Variants in COX5A observed in about 807,000 individuals in gnomAD.
The protein encoded by COX5A is cytochrome c oxidase subunit 5A, also known as cytochrome c oxidase subunit 5A, mitochondrial.
Under a neutral mutation model 16.1 loss-of-function variants are expected in COX5A, and 6 were observed. That is an observed-to-expected ratio of 0.37 (90% CI 0.20 to 0.73). COX5A has a LOEUF of 0.73. COX5A is among the 30% of genes least tolerant of loss of function. The pLI, the probability that COX5A is intolerant of heterozygous loss-of-function variation, is 0.50. For synonymous variants in COX5A, 73 were observed against 73.8 expected (o/e 0.99, Z 0.06); for missense variants, 159 against 194.9 (o/e 0.82, Z 1.10).
intron 1 of COX5A, among the ~76,000 whole-genome samples, chr15:74,937,099 T>C (rs2141275833): frequency 6.6e-6 from 1 of 152,226 alleles, no homozygotes; most frequent in South Asian, 2.1e-4. Context: ...TTACTGTAAT[T>C]ATTCTATGGT....
intron 1 of COX5A, among the ~76,000 whole-genome samples, chr15:74,932,525 T>G (rs951306405): frequency 6.6e-6 from 1 of 151,892 alleles, no homozygotes; most frequent in African/African-American, 2.4e-5. Context: ...ACACTGAAAT[T>G]TAAACATTAG....
chr15:74,926,564 G>T (rs1327730390), intron 3 of COX5A, among the ~76,000 whole-genome samples: 2 of 152,072 alleles, frequency 1.3e-5, no homozygotes, highest in East Asian at 3.8e-4. Context: ...GAACAAAAGT[G>T]TATCATGTAC....
At chr15:74,931,145 T>G (rs1451923248) in intron 1 of COX5A, among the ~76,000 whole-genome samples, 1 of 149,780 alleles carries the variant, frequency 6.7e-6, no homozygotes, top group Non-Finnish European at 1.5e-5. Context: ...AATATTCTGA[T>G]AAATCCCCTA....
At chr15:74,931,834 G>A (rs536291789) in intron 1 of COX5A, among the ~76,000 whole-genome samples, 4 of 152,160 alleles carry the variant, frequency 2.6e-5, no homozygotes, top group South Asian at 4.2e-4. Flanking sequence ...GATTACAGAC[G>A]CGAGCCACTG....
chr15:74,920,686 AT>A (rs949395243), intron 4 of COX5A, among the ~76,000 whole-genome samples: 1 of 151,974 alleles, frequency 6.6e-6, no homozygotes, highest in African/African-American at 2.4e-5. Flanking sequence ...AACAAAAGAA[AT>A]TTTTTTTGGG....
rs1595860379 is a variant in COX5A, at chr15:74,922,377, T to A, written c.*9+1271A>T. On this transcript the variant is annotated intron_variant, in intron 4 of 4. Transcript: ENST00000322347. ...TCCAGCCTAGGTGACAGAGTGAGAC[T>A]CCGTCTCAAAAAAAAAAAAAAAAAT... Among the ~76,000 whole-genome samples, 3 of 145,028 alleles carry A rather than the reference T, an allele frequency of 2.1e-5. No homozygotes were observed. In the East Asian group the frequency reaches 6.0e-4, roughly 29 times the overall value.
intron 1 of COX5A, among the ~76,000 whole-genome samples, chr15:74,933,683 T>C (rs1009948357): frequency 2.6e-5 from 4 of 152,188 alleles, no homozygotes; most frequent in Non-Finnish European, 5.9e-5. Flanking sequence ...AAGCAGTTTC[T>C]TATCAAGTTA....
At chr15:74,935,966 T>C (rs564521176) in intron 1 of COX5A, among the ~76,000 whole-genome samples, 2 of 151,536 alleles carry the variant, frequency 1.3e-5, no homozygotes, top group East Asian at 2.0e-4. Context: ...AACATAACTA[T>C]AAGAAACAAA....
rs1416233561 is a variant in COX5A at position 74,926,750 on chromosome 15, T to C, written c.339+16A>G. 2 of 1,601,188 alleles carry C rather than the reference T, an allele frequency of 1.2e-6. No homozygotes were observed. The highest frequency in any genetic ancestry group is 2.7e-5 in the African/African-American group (2 of 74,356). Reference sequence around the variant, plus strand: ...ACTCATTTACAGAACAATTTTAGCATTATTATTTCACTGACCTTAACAACC... The same window carrying C: ...ACTCATTTACAGAACAATTTTAGCACTATTATTTCACTGACCTTAACAACC... On this transcript the variant is annotated intron_variant, in intron 3 of 4. Coordinates refer to ENST00000322347, the MANE Select transcript of COX5A (RefSeq NM_004255.4).
intron 4 of COX5A, among the ~76,000 whole-genome samples, chr15:74,921,135 C>T (rs568777860): frequency 1.2e-4 from 19 of 152,204 alleles, no homozygotes; most frequent in South Asian, 8.3e-4. Flanking sequence ...GGGCTGGGCG[C>T]GGTGGCTCAC....
intron 1 of COX5A, among the ~76,000 whole-genome samples, chr15:74,931,243 G>C (rs1027538182): frequency 9.2e-5 from 14 of 152,034 alleles, no homozygotes; most frequent in Non-Finnish European, 1.5e-5. Flanking sequence ...GCTCACACCT[G>C]TAATGCCAGC....
chr15:74,934,553 G>C (rs375801242), intron 1 of COX5A, among the ~76,000 whole-genome samples: 3 of 152,042 alleles, frequency 2.0e-5, no homozygotes, highest in Non-Finnish European at 4.4e-5. Flanking sequence ...GGATGGTCTC[G>C]ATCTCCTGAC....
In COX5A at chr15:74,929,160, G is replaced by A. The variant is rs1313430969; in HGVS notation, c.173C>T (p.Thr58Ile). Residue 58 changes from threonine (T) to isoleucine (I), a missense_variant, in exon 2 of 5, where the codon ACA becomes ATA. Transcript: ENST00000322347. ...TDEEFDARWVTYFNKPDIDAW... is the reference protein window; with the variant it reads ...TDEEFDARWVIYFNKPDIDAW... ...ATCTATATCTGGCTTGTTGAAGTAT[G>A]TTACCCAGCGAGCATCAAACTCCTC... is the stretch of plus-strand genomic sequence containing the variant. The A allele has an allele frequency of 6.2e-7, 1 of 1,613,928 alleles. No individual in the cohort carries two copies. Among genetic ancestry groups the A allele is most frequent in the Non-Finnish European group, 8.5e-7 (1 of 1,179,940 alleles).
intron 3 of COX5A, among the ~76,000 whole-genome samples, chr15:74,925,519 G>C (rs2065339429): frequency 6.6e-6 from 1 of 151,456 alleles, no homozygotes; most frequent in Non-Finnish European, 1.5e-5. Flanking sequence ...CTCCCGACTA[G>C]CTGGGATTAC....
Position 74,929,201 on chromosome 15 carries a change from C to A in COX5A, c.132G>T (p.Gly44=). ...CAAACTCCTCATCTGTCTCCTGTGA[C>A]CCATGGGAATAGCAGCGAACTGACT... is the stretch of plus-strand genomic sequence containing the variant. ...AIQSVRCYSH[G]SQETDEEFDA... is the part of the protein sequence containing the mutation. Residue 44 remains glycine, a synonymous_variant, in exon 2 of 5, where the codon GGG becomes GGT. Transcript: ENST00000322347. The A allele has an allele frequency of 1.9e-6, 3 of 1,613,910 alleles. No individual in the cohort carries two copies. Among genetic ancestry groups the A allele is most frequent in the Non-Finnish European group, 2.5e-6 (3 of 1,179,842 alleles).
chr15:74,937,618 G>A (rs1055764093), intron 1 of COX5A: 1 of 242,948 alleles, frequency 4.1e-6, no homozygotes, highest in East Asian at 7.0e-5. Flanking sequence ...CTGGGGCAGG[G>A]TCATGGCCCG....
Position 74,935,789 on chromosome 15 carries a change from C to T in COX5A, c.100+2126G>A, listed in dbSNP as rs186539617. Among the ~76,000 whole-genome samples, 263 of 151,194 alleles carry T rather than the reference C, an allele frequency of 1.7e-3. 1 individual carries two copies. Among genetic ancestry groups the T allele is most frequent in the Middle Eastern group, 3.4e-3 (1 of 292 alleles). On this transcript the variant is annotated intron_variant, in intron 1 of 4. Coordinates refer to ENST00000322347, the MANE Select transcript of COX5A (RefSeq NM_004255.4). ...TGTATTTTTAGTAGATACTGGGTTT[C>T]GCCATGTTCAGGCTGGTCTGGAACT...
chr15:74,926,033 T>G (rs1387976111), intron 3 of COX5A, among the ~76,000 whole-genome samples: 3 of 123,228 alleles, frequency 2.4e-5, no homozygotes, highest in Non-Finnish European at 5.1e-5. Context: ...GCCCAGCTAA[T>G]TTTTTTTTTT....
chr15:74,927,617 A>C (rs1274909305), intron 2 of COX5A, among the ~76,000 whole-genome samples: 1 of 152,074 alleles, frequency 6.6e-6, no homozygotes, highest in Non-Finnish European at 1.5e-5. Flanking sequence ...TATTAAAGAT[A>C]CAAAATTGGC....
Sources: allele counts gnomAD v4.1 joint callset (sites outside exome capture counted in the v4.1 genomes callset), GRCh38; gene constraint gnomAD v4.1.1; transcripts MANE v1.5; gene names NCBI Gene and HGNC (gene_info 2026-07-23, HGNC 2026-07-21).